CD99L2: variants seen among roughly 807,000 people sequenced by gnomAD.
The protein encoded by CD99L2 is CD99 molecule like 2.
In CD99L2, 24 loss-of-function variants were observed where a neutral mutation model predicts 27.3. The ratio of observed to expected loss-of-function variants is 0.88; its 90% CI spans 0.64 to 1.24. CD99L2 has a LOEUF of 1.24. Ranked by LOEUF, CD99L2 falls within the 50% of genes most tolerant of loss-of-function variation. CD99L2 has a pLI of 0.00. For missense variants in CD99L2, 255 were observed against 221.6 expected (o/e 1.15, Z -0.96); for synonymous variants, 97 against 87.9 (o/e 1.10, Z -0.58).
At chrX:150,881,160 T>C (rs1225360302) in intron 1 of CD99L2, among the ~76,000 whole-genome samples, 1 of 110,894 alleles carries the variant, frequency 9.0e-6, no homozygotes, top group Non-Finnish European at 1.9e-5. Context: ...TCCTTCCTCC[T>C]CTCCAGTGTC....
chrX:150,816,253 G>A (rs1245613092), intron 2 of CD99L2, 175 bp from the exon 3 acceptor site: 2 of 455,887 alleles, frequency 4.4e-6, no homozygotes, highest in South Asian at 6.5e-5. Flanking sequence ...AATGATATAG[G>A]TTTAAATGAG....
chrX:150,863,934 G>C (rs1363034478), intron 1 of CD99L2, among the ~76,000 whole-genome samples: 2 of 111,810 alleles, frequency 1.8e-5, no homozygotes, highest in African/African-American at 6.5e-5. Flanking sequence ...CAGCAGCAGG[G>C]AGAGACAAGA....
At position 150,879,284 on chromosome X, in the gene CD99L2, G is replaced by A. The variant is rs782499689; in HGVS notation, c.67+19238C>T. Among the ~76,000 whole-genome samples, 185 of 111,895 alleles carry A rather than the reference G, an allele frequency of 1.7e-3. 1 individual carries two copies. The highest frequency in any genetic ancestry group is 5.2e-3 in the African/African-American group (160 of 30,842). On this transcript the variant is annotated intron_variant, in intron 1 of 10. Coordinates refer to ENST00000370377, the MANE Select transcript of CD99L2 (RefSeq NM_031462.4). ...GAGATAAGATACTAGCTTATTAAAAGGGAGGCAGAGGAAAGAGAGATGTTG... is the reference window on the plus strand; with the variant it reads ...GAGATAAGATACTAGCTTATTAAAAAGGAGGCAGAGGAAAGAGAGATGTTG...
At chrX:150,815,046 G>A (rs1557420443) in intron 3 of CD99L2, 110 bp from the exon 4 acceptor site, 6 of 702,534 alleles carry the variant, frequency 8.5e-6, no homozygotes, top group Admixed American at 8.2e-5. Context: ...TACCAACAAT[G>A]GGTTAAGACA....
intron 2 of CD99L2, among the ~76,000 whole-genome samples, chrX:150,820,236 A>C (rs185255789): frequency 2.1e-3 from 225 of 106,359 alleles, no homozygotes; most frequent in Non-Finnish European, 3.0e-3. Context: ...CAATCAATGT[A>C]CTATCCCATA....
At position 150,872,145 on chromosome X, in the gene CD99L2, T is replaced by G. The variant is rs150400548; in HGVS notation, c.67+26377A>C. ...ACTTGGGAGTCTGAGGTGGAAGGAT[T>G]GCTGGAGCCCGGGAGGTCAAGGCTG... On this transcript the variant is annotated intron_variant, in intron 1 of 10. Transcript: ENST00000370377. 5.0e-3 allele frequency among the ~76,000 whole-genome samples: 554 copies of G among 110,759 alleles called. 7 individuals are homozygous for G. The highest frequency in any genetic ancestry group is 0.014 in the Middle Eastern group (3 of 217).
intron 1 of CD99L2, among the ~76,000 whole-genome samples, chrX:150,878,140 C>A (rs1378901820): frequency 9.0e-6 from 1 of 110,617 alleles, no homozygotes; most frequent in Non-Finnish European, 1.9e-5. Flanking sequence ...GAGTTCAAGA[C>A]CAGCCTGGCC....
chrX:150,769,598 TCTCCCAGGCCCAGTCCCCACGGCTG>T (rs1557418884), intron 10 of CD99L2, among the ~76,000 whole-genome samples: 18 of 109,642 alleles, frequency 1.6e-4, no homozygotes, highest in African/African-American at 4.6e-4. Flanking sequence ...CCCCTCCTGG[TCTCCCAGGCCCAGTCCCCACGGCTG>T]CTGCACTGTA....
At chrX:150,849,739 T>C (rs186276146) in intron 1 of CD99L2, among the ~76,000 whole-genome samples, 42 of 111,452 alleles carry the variant, frequency 3.8e-4, no homozygotes, top group Non-Finnish European at 4.1e-4. Context: ...TATCAGTACA[T>C]CCTGCTCCAT....
chrX:150,847,014 A>G (rs2124283438), intron 1 of CD99L2, among the ~76,000 whole-genome samples: 1 of 112,580 alleles, frequency 8.9e-6, no homozygotes, highest in South Asian at 3.7e-4. Context: ...GAAATCATCA[A>G]GATTTTCAGC....
intron 1 of CD99L2, among the ~76,000 whole-genome samples, chrX:150,848,118 C>CCG (rs1557421507): frequency 9.3e-6 from 1 of 107,309 alleles, no homozygotes; most frequent in Non-Finnish European, 1.9e-5. Flanking sequence ...CAGGCCCCCC[C>CCG]CCCCTTGTAC....
At chrX:150,813,537 A>G (rs1219371439) in intron 4 of CD99L2, among the ~76,000 whole-genome samples, 2 of 112,325 alleles carry the variant, frequency 1.8e-5, no homozygotes, top group African/African-American at 6.5e-5. Context: ...ATAAGTGAAC[A>G]TGGTTTTAAG....
chrX:150,788,241 C>T (rs1481944212), intron 7 of CD99L2, among the ~76,000 whole-genome samples: 1 of 111,502 alleles, frequency 9.0e-6, no homozygotes, highest in African/African-American at 3.3e-5. Context: ...TGGTTCAACA[C>T]ACATAAATTA....
chrX:150,771,076 G>T (rs1331310465), intron 9 of CD99L2, among the ~76,000 whole-genome samples: 2 of 112,367 alleles, frequency 1.8e-5, no homozygotes, highest in Non-Finnish European at 3.8e-5. Context: ...CCCCACCCCT[G>T]CTGCTGCTTG....
chrX:150,838,920 G>A (rs868956827), intron 1 of CD99L2, among the ~76,000 whole-genome samples: 1 of 65,996 alleles, frequency 1.5e-5, no homozygotes, highest in Non-Finnish European at 2.7e-5. Flanking sequence ...AAAAAAAATG[G>A]GGGGGGGGGT....
chrX:150,794,602 T>A (rs1263400058), intron 6 of CD99L2, among the ~76,000 whole-genome samples: 8 of 112,491 alleles, frequency 7.1e-5, no homozygotes, highest in African/African-American at 2.6e-4. Flanking sequence ...CACTCCACAC[T>A]ACGCTTAACC....
chrX:150,812,317 A>G, intron 4 of CD99L2, among the ~76,000 whole-genome samples: 1 of 112,479 alleles, frequency 8.9e-6, no homozygotes, highest in East Asian at 2.8e-4. Flanking sequence ...CTGACTAAGG[A>G]CAAATGTCTA....
At chrX:150,810,429 T>G (rs2046055280) in intron 4 of CD99L2, among the ~76,000 whole-genome samples, 1 of 111,499 alleles carries the variant, frequency 9.0e-6, no homozygotes, top group Non-Finnish European at 1.9e-5. Context: ...CAAAAACTTA[T>G]GAGATACAGC....
chrX:150,819,336 A>G, intron 2 of CD99L2: 1 of 211,268 alleles, frequency 4.7e-6, no homozygotes, highest in South Asian at 6.8e-5. Flanking sequence ...TCAATATCCT[A>G]TAATCTTTGT....
Sources: gnomAD v4.1 joint callset for allele counts (sites outside exome capture counted in the v4.1 genomes callset) on GRCh38, gnomAD v4.1.1 for gene constraint, MANE v1.5 for transcripts, NCBI Gene and HGNC (gene_info 2026-07-23, HGNC 2026-07-21) for gene names.